DLGAP2: variants seen among roughly 807,000 people sequenced by gnomAD.
The protein encoded by DLGAP2 is DLG associated protein 2.
A neutral mutation model predicts 100.3 loss-of-function variants in DLGAP2; 26 were observed. That is an observed-to-expected ratio of 0.26 (90% CI 0.19 to 0.36). The LOEUF (loss-of-function observed/expected upper bound fraction) is 0.36, where lower values mean the gene tolerates loss of function less well. Among genes scored for constraint, DLGAP2 ranks in the 10% least tolerant of loss-of-function variants. The probability of loss-of-function intolerance (pLI) is 1.00; values close to 1 mark genes in which losing one functional copy is unlikely to be tolerated. For missense variants in DLGAP2, 1,858 were observed against 1,453.2 expected (o/e 1.28, Z -4.53); for synonymous variants, 886 against 630.1 (o/e 1.41, Z -6.08).
intron 12 of DLGAP2, among the ~76,000 whole-genome samples, chr8:1,690,703 CAAAAAAAAA>C (rs71190752): frequency 2.3e-4 from 14 of 62,086 alleles, no homozygotes; most frequent in African/African-American, 5.4e-4. Context: ...GACCCTATCT[CAAAAAAAAA>C]AAAAAAAAAA....
chr8:1,168,415 C>T (rs1044060368), intron 2 of DLGAP2, among the ~76,000 whole-genome samples: 2 of 151,668 alleles, frequency 1.3e-5, no homozygotes, highest in Non-Finnish European at 2.9e-5. Context: ...ATGGCTGGGT[C>T]AAATGGTATT....
chr8:1,252,138 TGTG>T (rs150033226), intron 2 of DLGAP2, among the ~76,000 whole-genome samples: 5,238 of 151,160 alleles, frequency 0.035, 288 homozygotes, highest in African/African-American at 0.11. Context: ...CTTGCCACAC[TGTG>T]GTGTTGTCAC....
rs551739604 is a variant in DLGAP2, at chr8:1,067,385, A to G, written c.73+159419A>G. Among the ~76,000 whole-genome samples the G allele has an allele frequency of 2.6e-5, 4 of 152,268 alleles. No homozygotes were observed. In the South Asian group the frequency reaches 8.3e-4, roughly 32 times the overall value. On this transcript the variant is annotated intron_variant, in intron 2 of 14. Transcript: ENST00000637795. ...CCTACCCAGCAGGGGCCCTGCCTGT[A>G]GGAGCATCACCTGGTGCCTGGGAAG...
At chr8:1,335,477 G>T (rs1269888657) in intron 3 of DLGAP2, among the ~76,000 whole-genome samples, 2 of 152,214 alleles carry the variant, frequency 1.3e-5, no homozygotes, top group African/African-American at 4.8e-5. Flanking sequence ...TTCCTCTGGA[G>T]GAATGGGTAA....
At chr8:1,344,136 GTGTACTCGGGGCCCTGTCGTGGGTCTT>G (rs1801494555) in intron 3 of DLGAP2, among the ~76,000 whole-genome samples, 1 of 140,986 alleles carries the variant, frequency 7.1e-6, no homozygotes, top group African/African-American at 2.8e-5. Flanking sequence ...TCGTGGGTCC[GTGTACTCGGGGCCCTGTCGTGGGTCTT>G]TGTACTCGGG....
chr8:1,284,449 G>T (rs904129317), intron 3 of DLGAP2, among the ~76,000 whole-genome samples: 1 of 152,046 alleles, frequency 6.6e-6, no homozygotes, highest in Non-Finnish European at 1.5e-5. Context: ...CCGTCACCTG[G>T]GCTCCAGCGC....
At chr8:912,716 T>G (rs952866210) in intron 2 of DLGAP2, among the ~76,000 whole-genome samples, 1 of 151,034 alleles carries the variant, frequency 6.6e-6, no homozygotes, top group Non-Finnish European at 1.5e-5. Context: ...TTCCTCTCTG[T>G]GGAGCTGACC....
intron 2 of DLGAP2, among the ~76,000 whole-genome samples, chr8:1,162,488 G>T (rs1796911887): frequency 6.6e-6 from 1 of 152,102 alleles, no homozygotes; most frequent in Non-Finnish European, 1.5e-5. Context: ...GCATCACTAG[G>T]AACAGAGACC....
intron 2 of DLGAP2, among the ~76,000 whole-genome samples, chr8:947,643 G>A (rs905123314): frequency 2.6e-5 from 4 of 152,136 alleles, no homozygotes; most frequent in Admixed American, 1.3e-4. Context: ...CTCCACGCGC[G>A]GCGCTGTCTG....
At chr8:905,974 T>G (rs1276565293) in intron 1 of DLGAP2, among the ~76,000 whole-genome samples, 3 of 152,216 alleles carry the variant, frequency 2.0e-5, no homozygotes, top group African/African-American at 7.2e-5. Context: ...TGAGACTTTA[T>G]TCCCGCTTCT....
intron 1 of DLGAP2, among the ~76,000 whole-genome samples, chr8:790,413 C>G (rs541025555): frequency 6.6e-6 from 1 of 152,254 alleles, no homozygotes; most frequent in East Asian, 1.9e-4. Context: ...TTTCTGGCCG[C>G]AAGTGTGAGA....
chr8:1,222,759 C>G (rs1339474528), intron 2 of DLGAP2, among the ~76,000 whole-genome samples: 1 of 152,002 alleles, frequency 6.6e-6, no homozygotes, highest in East Asian at 1.9e-4. Flanking sequence ...GGTGAGAGGG[C>G]TGGGGCTGTG....
intron 5 of DLGAP2, among the ~76,000 whole-genome samples, chr8:1,564,055 C>G (rs1802293347): frequency 6.6e-6 from 1 of 152,160 alleles, no homozygotes. Flanking sequence ...ATGTTAGTTC[C>G]TTGACTACAG....
intron 1 of DLGAP2, among the ~76,000 whole-genome samples, chr8:841,429 C>A (rs913504810): frequency 6.6e-6 from 1 of 152,120 alleles, no homozygotes; most frequent in Non-Finnish European, 1.5e-5. Context: ...ATATTCTGTC[C>A]CAGACTTGGA....
At position 1,435,204 on chromosome 8, in the gene DLGAP2, T is replaced by G. The variant is rs150683043; in HGVS notation, c.107-66162T>G. ...AGATCTTCCACATTAGCTGTGTGAC[T>G]TGAGCAGCTTTTGTAGATTTTGGGG... On this transcript the variant is annotated intron_variant, in intron 3 of 14. Coordinates refer to ENST00000637795, the MANE Select transcript of DLGAP2 (RefSeq NM_001346810.2). 1.5e-3 allele frequency among the ~76,000 whole-genome samples: 234 copies of G among 152,354 alleles called. 1 individual carries two copies. The highest frequency in any genetic ancestry group is 5.3e-3 in the African/African-American group (222 of 41,584).
intron 3 of DLGAP2, among the ~76,000 whole-genome samples, chr8:1,354,381 TGC>T (rs1801801388): frequency 6.6e-6 from 1 of 152,182 alleles, no homozygotes; most frequent in East Asian, 1.9e-4. Flanking sequence ...GGTGTGGTGG[TGC>T]GTGCTTGTAG....
chr8:1,659,457 C>G (rs866289396), intron 8 of DLGAP2, among the ~76,000 whole-genome samples: 118 of 152,228 alleles, frequency 7.8e-4, no homozygotes, highest in African/African-American at 2.6e-3. Context: ...AAGTCTCCCA[C>G]TATTATTGTG....
intron 2 of DLGAP2, among the ~76,000 whole-genome samples, chr8:1,240,981 C>A (rs1798780065): frequency 1.2e-4 from 1 of 8,574 alleles, no homozygotes; most frequent in African/African-American, 7.2e-4. Flanking sequence ...GTGTCTAGTT[C>A]TCTCACATGG....
intron 6 of DLGAP2, among the ~76,000 whole-genome samples, chr8:1,617,062 T>C (rs1797179080): frequency 6.6e-6 from 1 of 152,222 alleles, no homozygotes; most frequent in Non-Finnish European, 1.5e-5. Context: ...AAGGACATGA[T>C]CTCATTCTTT....
Sources: allele counts gnomAD v4.1 joint callset (sites outside exome capture counted in the v4.1 genomes callset), GRCh38; gene constraint gnomAD v4.1.1; transcripts MANE v1.5; gene names NCBI Gene and HGNC (gene_info 2026-07-23, HGNC 2026-07-21).